The following SHANK2 variants were observed in gnomAD, a reference collection of about 807,000 sequenced individuals.
The protein encoded by SHANK2 is SH3 and multiple ankyrin repeat domains 2, also known as SH3 and multiple ankyrin repeat domains protein 2.
Under a neutral mutation model 133.7 loss-of-function variants are expected in SHANK2, and 43 were observed. That is an observed-to-expected ratio of 0.32 (90% CI 0.25 to 0.41). The LOEUF (loss-of-function observed/expected upper bound fraction) is 0.41. Ranked by LOEUF, SHANK2 falls within the 10% of genes least tolerant of loss-of-function variation. SHANK2 has a pLI of 1.00. For missense variants in SHANK2, 1,994 were observed against 2,235.8 expected (o/e 0.89, Z 2.18); for synonymous variants, 1,017 against 952.8 (o/e 1.07, Z -1.24).
At chr11:70,802,974 T>A (rs1024234576) in intron 13 of SHANK2, among the ~76,000 whole-genome samples, 7 of 152,186 alleles carry the variant, frequency 4.6e-5, no homozygotes, top group African/African-American at 1.7e-4. Context: ...TGCTACGTGC[T>A]GCATCAGAGG....
rs181451681 is a variant in SHANK2, at chr11:70,875,724, G to A, written c.1174+20777C>T. Among the ~76,000 whole-genome samples the A allele has an allele frequency of 5.1e-3, 776 of 152,122 alleles. 4 individuals carry two copies. Among genetic ancestry groups the A allele is most frequent in the African/African-American group, 0.017 (705 of 41,484 alleles). On this transcript the variant is annotated intron_variant, in intron 11 of 25. Coordinates refer to ENST00000601538, the MANE Select transcript of SHANK2 (RefSeq NM_012309.5). ...ATAAAAATTAGCTGGGTGTGGTGAC[G>A]CATACCTGTGGTCCCAGCTACTTGG... is the stretch of plus-strand genomic sequence containing the variant.
intron 17 of SHANK2, among the ~76,000 whole-genome samples, chr11:70,519,313 T>C (rs1554970610): frequency 6.6e-6 from 1 of 152,142 alleles, no homozygotes; most frequent in South Asian, 2.1e-4. Flanking sequence ...CTTTCATCAG[T>C]TTTCATGTGA....
chr11:70,578,953 C>G (rs2060151130), intron 17 of SHANK2, among the ~76,000 whole-genome samples: 1 of 152,180 alleles, frequency 6.6e-6, no homozygotes, highest in South Asian at 2.1e-4. Flanking sequence ...CCACACACCT[C>G]AGCACCAGCC....
intron 17 of SHANK2, among the ~76,000 whole-genome samples, chr11:70,506,358 G>C (rs1405073995): frequency 6.6e-6 from 1 of 152,202 alleles, no homozygotes; most frequent in Non-Finnish European, 1.5e-5. Flanking sequence ...CCCAGTTCCT[G>C]ATTCCATCCC....
chr11:71,081,094 C>G (rs898665780), intron 8 of SHANK2, among the ~76,000 whole-genome samples: 4 of 152,192 alleles, frequency 2.6e-5, no homozygotes, highest in African/African-American at 9.7e-5. Flanking sequence ...CCCCTAATCC[C>G]ATCTGGCCTG....
intron 9 of SHANK2, among the ~76,000 whole-genome samples, chr11:71,064,082 C>T (rs1951018398): frequency 6.6e-6 from 1 of 152,154 alleles, no homozygotes; most frequent in African/African-American, 2.4e-5. Context: ...CCATCATTTC[C>T]ATTTACAGAT....
chr11:70,713,894 G>A (rs1394209370), intron 14 of SHANK2, among the ~76,000 whole-genome samples: 3 of 152,368 alleles, frequency 2.0e-5, no homozygotes, highest in Non-Finnish European at 4.4e-5. Context: ...AAGCTCAGGT[G>A]CACACCAGCG....
intron 11 of SHANK2, among the ~76,000 whole-genome samples, chr11:70,886,266 C>T (rs1222952341): frequency 6.6e-5 from 10 of 152,288 alleles, no homozygotes; most frequent in Admixed American, 1.3e-4. Flanking sequence ...CCTTCCTCTC[C>T]GGCAATTTGT....
In SHANK2 at chr11:71,209,889, T is replaced by C. The variant is rs534927572; in HGVS notation, c.-13+14808A>G. On this transcript the variant is annotated intron_variant, in intron 2 of 25. Transcript: ENST00000601538. ...GGGGGCTCTCTGGGACAGCAGGACG[T>C]GTCCATTCTTCACAAGACTCATCAG... Among the ~76,000 whole-genome samples, 136 of 152,116 alleles carry C rather than the reference T, an allele frequency of 8.9e-4. 1 individual carries two copies. The highest frequency in any genetic ancestry group is 3.3e-4 in the Admixed American group (5 of 15,290).
At chr11:70,608,152 T>C (rs1554993064) in intron 17 of SHANK2, among the ~76,000 whole-genome samples, 1 of 152,140 alleles carries the variant, frequency 6.6e-6, no homozygotes, top group Admixed American at 6.5e-5. Context: ...AGATTTTTCT[T>C]TTTCTTTGTT....
At chr11:70,546,914 TCTC>T (rs1554976523) in intron 17 of SHANK2, among the ~76,000 whole-genome samples, 2 of 152,156 alleles carry the variant, frequency 1.3e-5, no homozygotes, top group African/African-American at 4.8e-5. Flanking sequence ...TCCCTGGACT[TCTC>T]CTGAGTCCAT....
At chr11:71,189,075 T>A (rs901089281) in intron 2 of SHANK2, among the ~76,000 whole-genome samples, 2 of 152,116 alleles carry the variant, frequency 1.3e-5, no homozygotes, top group Non-Finnish European at 2.9e-5. Flanking sequence ...GCTCTCCGGG[T>A]TGGGTTGTGA....
At chr11:70,803,024 C>T (rs1469914459) in intron 13 of SHANK2, among the ~76,000 whole-genome samples, 1 of 152,116 alleles carries the variant, frequency 6.6e-6, no homozygotes, top group Non-Finnish European at 1.5e-5. Flanking sequence ...GGGAGCGTGG[C>T]AGGTGGGGGC....
At chr11:70,916,128 G>A (rs1373732605) in intron 10 of SHANK2, among the ~76,000 whole-genome samples, 1 of 152,204 alleles carries the variant, frequency 6.6e-6, no homozygotes, top group Non-Finnish European at 1.5e-5. Flanking sequence ...TCAGTGGTTT[G>A]CCCAAAGCCA....
intron 17 of SHANK2, among the ~76,000 whole-genome samples, chr11:70,656,981 G>T (rs1368551053): frequency 6.6e-6 from 1 of 152,214 alleles, no homozygotes; most frequent in Non-Finnish European, 1.5e-5. Context: ...CCACGTCGGG[G>T]CATTCTCACA....
chr11:70,752,660 C>G (rs1289128388), intron 14 of SHANK2, among the ~76,000 whole-genome samples: 1 of 147,912 alleles, frequency 6.8e-6, no homozygotes, highest in Admixed American at 6.8e-5. Flanking sequence ...GAGCCGAAAT[C>G]GCGCCACTGC....
chr11:70,504,530 C>T (rs2135841079), intron 17 of SHANK2, among the ~76,000 whole-genome samples: 1 of 152,330 alleles, frequency 6.6e-6, no homozygotes, highest in South Asian at 2.1e-4. Flanking sequence ...TTCCCATGTA[C>T]TCAGACCCAC....
intron 17 of SHANK2, among the ~76,000 whole-genome samples, chr11:70,657,346 C>T (rs1327346058): frequency 1.3e-5 from 2 of 152,178 alleles, no homozygotes; most frequent in Non-Finnish European, 2.9e-5. Context: ...CCTCCAAGGT[C>T]AAAGCTCTTC....
intron 11 of SHANK2, among the ~76,000 whole-genome samples, chr11:70,889,709 G>A (rs1156901563): frequency 6.6e-6 from 1 of 152,224 alleles, no homozygotes; most frequent in Admixed American, 6.5e-5. Context: ...AATCATACAG[G>A]CCGCTGGGCA....
Sources: allele counts gnomAD v4.1 joint callset (sites outside exome capture counted in the v4.1 genomes callset), GRCh38; gene constraint gnomAD v4.1.1; transcripts MANE v1.5; gene names NCBI Gene and HGNC (gene_info 2026-07-23, HGNC 2026-07-21).